Variants in SCAI observed in about 807,000 individuals in gnomAD.
SCAI encodes the protein suppressor of cancer cell invasion, also known as protein SCAI.
SCAI carries 24 observed loss-of-function variants against 92.2 expected under a neutral mutation model. That is an observed-to-expected ratio of 0.26 (90% CI 0.19 to 0.37). SCAI has a LOEUF of 0.37. SCAI is among the 10% of genes least tolerant of loss of function. The pLI is 1.00. For missense variants in SCAI, 450 were observed against 736.2 expected (o/e 0.61, Z 4.50); for synonymous variants, 261 against 258.6 (o/e 1.01, Z -0.09).
At chr9:124,996,716 G>A (rs1405434726) in intron 13 of SCAI, among the ~76,000 whole-genome samples, 2 of 150,598 alleles carry the variant, frequency 1.3e-5, no homozygotes, top group Non-Finnish European at 3.0e-5. Context: ...TGCAACCTCC[G>A]CCTCCCACGT....
chr9:125,084,974 G>A (rs1834297224), intron 2 of SCAI, among the ~76,000 whole-genome samples: 1 of 152,144 alleles, frequency 6.6e-6, no homozygotes. Context: ...GCAGCTTACA[G>A]TTTTATCAAA....
At chr9:124,964,571 C>T (rs1187739464) in intron 17 of SCAI, among the ~76,000 whole-genome samples, 2 of 152,150 alleles carry the variant, frequency 1.3e-5, no homozygotes, top group Non-Finnish European at 2.9e-5. Flanking sequence ...TTTGATAATA[C>T]ATACTCTGTG....
intron 2 of SCAI, among the ~76,000 whole-genome samples, chr9:125,138,679 G>C (rs1490891282): frequency 2.0e-5 from 3 of 152,122 alleles, no homozygotes; most frequent in Non-Finnish European, 2.9e-5. Context: ...CTCCCAAAGT[G>C]CTGGGATTAC....
intron 9 of SCAI, among the ~76,000 whole-genome samples, chr9:125,010,836 C>A (rs995492583): frequency 7.2e-5 from 11 of 152,332 alleles, no homozygotes; most frequent in Non-Finnish European, 1.5e-4. Flanking sequence ...TGAGACAAAA[C>A]TTCCAGGGGA....
At position 124,950,432 on chromosome 9, in the gene SCAI, C is replaced by T. The variant is rs1831216152; in HGVS notation, c.*2375G>A. The T allele has an allele frequency of 6.6e-6, 1 of 152,018 alleles. No individual in the cohort carries two copies. Among genetic ancestry groups the T allele is most frequent in the Non-Finnish European group, 1.5e-5 (1 of 68,020 alleles). The allele number at this position is 152,018 out of a possible 1,614,324, so 9.4% of individuals were successfully genotyped here. A position where few individuals can be genotyped will look rare whatever the true frequency, so the allele number is the denominator to read the frequency against. Reference sequence around the variant, plus strand: ...AGTTCTCAGACCAGTGTTCTTTATGCTTAACGGGGGAGGATAAAGCTCAGA... The same window carrying T: ...AGTTCTCAGACCAGTGTTCTTTATGTTTAACGGGGGAGGATAAAGCTCAGA... On this transcript the variant is annotated 3_prime_UTR_variant, in exon 18 of 18. Coordinates refer to ENST00000336505, the MANE Select transcript of SCAI (RefSeq NM_001144877.3).
rs943629898 is a variant in SCAI at position 125,114,800 on chromosome 9, G to T, written c.98+27833C>A. 1.5e-4 allele frequency among the ~76,000 whole-genome samples: 21 copies of T among 137,408 alleles called. No homozygotes were observed. The Admixed American group carries it at 1.7e-3, about 11-fold the overall frequency. The allele number at this position is 137,408 out of a possible 152,430, so 90.1% of individuals were successfully genotyped here. On this transcript the variant is annotated intron_variant, in intron 2 of 17. Transcript: ENST00000336505. ...TTTTTTTTTTTTTTTTTGAGAGGGAGTCTTGCTCTGTTGCCCAGGCTGGAG... is the reference window on the plus strand; with the variant it reads ...TTTTTTTTTTTTTTTTTGAGAGGGATTCTTGCTCTGTTGCCCAGGCTGGAG...
intron 2 of SCAI, among the ~76,000 whole-genome samples, chr9:125,062,403 G>A (rs1356952216): frequency 2.7e-5 from 4 of 149,966 alleles, no homozygotes; most frequent in Non-Finnish European, 5.9e-5. Flanking sequence ...TAGATTTACA[G>A]GCATGGGCCA....
chr9:125,029,817 C>A, intron 3 of SCAI, 78 bp from the exon 4 acceptor site: 1 of 784,384 alleles, frequency 1.3e-6, no homozygotes, highest in Non-Finnish European at 1.9e-6. Context: ...TGGTACAAAC[C>A]AGACAGATGA....
intron 2 of SCAI, among the ~76,000 whole-genome samples, chr9:125,074,273 A>AAAAG (rs1483382949): frequency 6.7e-6 from 1 of 149,198 alleles, no homozygotes; most frequent in Non-Finnish European, 1.5e-5. Flanking sequence ...AAAAAAAAAA[A>AAAAG]AAAGATAGAG....
At position 124,943,119 on chromosome 9, in the gene SCAI, G is replaced by T. The variant is rs1189157745; in HGVS notation, c.*9688C>A. ...CTGGAAAGGAAGAAAAAAACATCCT[G>T]TTTAAGAGAACGTATGGCTTAAGCA... is the stretch of plus-strand genomic sequence containing the variant. On this transcript the variant is annotated 3_prime_UTR_variant, in exon 18 of 18. Coordinates refer to ENST00000336505, the MANE Select transcript of SCAI (RefSeq NM_001144877.3). 6.6e-6 allele frequency: 1 copy of T among 152,216 alleles called. No homozygotes were observed. The highest frequency in any genetic ancestry group is 1.9e-4 in the East Asian group (1 of 5,200). The allele number at this position is 152,216 out of a possible 1,614,324, so 9.4% of individuals were successfully genotyped here. A position where few individuals can be genotyped will look rare whatever the true frequency, so the allele number is the denominator to read the frequency against.
At chr9:124,998,077 T>A (rs1227907173) in intron 13 of SCAI, among the ~76,000 whole-genome samples, 1 of 152,034 alleles carries the variant, frequency 6.6e-6, no homozygotes, top group East Asian at 1.9e-4. Context: ...AATGTTGGGA[T>A]CATAGGCATG....
intron 2 of SCAI, among the ~76,000 whole-genome samples, chr9:125,072,892 C>T (rs544702702): frequency 9.2e-5 from 14 of 152,062 alleles, no homozygotes; most frequent in East Asian, 1.9e-4. Context: ...CTGAATAATA[C>T]GCCCTTGTTT....
intron 17 of SCAI, among the ~76,000 whole-genome samples, chr9:124,970,183 A>G (rs1831629078): frequency 6.6e-6 from 1 of 152,148 alleles, no homozygotes. Context: ...AAAACTTGGA[A>G]GCAACCCAAA....
At chr9:124,955,341 G>C (rs1416075019) in intron 17 of SCAI, among the ~76,000 whole-genome samples, 2 of 151,764 alleles carry the variant, frequency 1.3e-5, no homozygotes, top group Non-Finnish European at 2.9e-5. Flanking sequence ...GAGATGGGAG[G>C]ATCTCTTGAG....
Position 125,076,635 on chromosome 9 carries a change from C to A in SCAI, c.99-20628G>T, listed in dbSNP as rs192828868. 1.4e-3 allele frequency among the ~76,000 whole-genome samples: 214 copies of A among 152,248 alleles called. 3 individuals carry two copies. Among genetic ancestry groups the A allele is most frequent in the African/African-American group, 5.0e-3 (207 of 41,560 alleles). On this transcript the variant is annotated intron_variant, in intron 2 of 17. Coordinates refer to ENST00000336505, the MANE Select transcript of SCAI (RefSeq NM_001144877.3). ...ATCCCAGCACTTTGGGAGGTCGAGG[C>A]AGGCAAATTGTTTGAGTTCAAGAGT...
rs1831186158 is a variant in SCAI at position 124,948,480 on chromosome 9, A to C, written c.*4327T>G. 1 of 152,222 alleles carries C rather than the reference A, an allele frequency of 6.6e-6. No individual in the cohort carries two copies. Among genetic ancestry groups the C allele is most frequent in the Non-Finnish European group, 1.5e-5 (1 of 68,038 alleles). The allele number at this position is 152,222 out of a possible 1,614,324, so 9.4% of individuals were successfully genotyped here. A position where few individuals can be genotyped will look rare whatever the true frequency, so the allele number is the denominator to read the frequency against. On this transcript the variant is annotated 3_prime_UTR_variant, in exon 18 of 18. Coordinates refer to ENST00000336505, the MANE Select transcript of SCAI (RefSeq NM_001144877.3). ...TGATACTGTTTTGTGCCAAAATACAAATCCCTAATTATTCTTTCTTGTTCA... is the reference window on the plus strand; with the variant it reads ...TGATACTGTTTTGTGCCAAAATACACATCCCTAATTATTCTTTCTTGTTCA...
At chr9:125,074,242 G>C (rs1220397482) in intron 2 of SCAI, among the ~76,000 whole-genome samples, 1 of 138,908 alleles carries the variant, frequency 7.2e-6, no homozygotes, top group African/African-American at 2.7e-5. Flanking sequence ...CTGGGTGACA[G>C]AGCGAGACTC....
At chr9:125,066,456 AT>A (rs1183338955) in intron 2 of SCAI, among the ~76,000 whole-genome samples, 4 of 121,470 alleles carry the variant, frequency 3.3e-5, no homozygotes, top group African/African-American at 1.2e-4. Flanking sequence ...TATTTTATTT[AT>A]TTATTTATTT....
chr9:125,033,203 A>C (rs957449105), intron 3 of SCAI, among the ~76,000 whole-genome samples: 13 of 152,154 alleles, frequency 8.5e-5, no homozygotes, highest in Non-Finnish European at 1.6e-4. Context: ...ATCTCCAAAA[A>C]AAAAAATCAA....
Sources: gnomAD v4.1 joint callset for allele counts (sites outside exome capture counted in the v4.1 genomes callset) on GRCh38, gnomAD v4.1.1 for gene constraint, MANE v1.5 for transcripts, NCBI Gene and HGNC (gene_info 2026-07-23, HGNC 2026-07-21) for gene names.